LIPC: variants seen among roughly 807,000 people sequenced by gnomAD.
LIPC encodes hepatic triacylglycerol lipase.
In LIPC, 44 loss-of-function variants were observed where a neutral mutation model predicts 50.7. That is an observed-to-expected ratio of 0.87 (90% CI 0.68 to 1.11). The LOEUF is 1.11. LIPC is among the 50% of genes most tolerant of loss of function. The pLI, the probability that LIPC is intolerant of heterozygous loss-of-function variation, is 0.00. For missense variants in LIPC, 697 were observed against 648.2 expected, an observed-to-expected ratio of 1.08 and a Z score of -0.82; for synonymous variants, 271 against 256.4, an observed-to-expected ratio of 1.06 and a Z score of -0.54.
intron 1 of LIPC, among the ~76,000 whole-genome samples, chr15:58,520,292 C>G (rs1185275112): frequency 6.6e-6 from 1 of 151,954 alleles, no homozygotes; most frequent in African/African-American, 2.4e-5. Context: ...AGGAACCCAC[C>G]CTTTTAACTT....
At chr15:58,468,457 A>G (rs139819097) in intron 1 of LIPC, among the ~76,000 whole-genome samples, 1 of 152,116 alleles carries the variant, frequency 6.6e-6, no homozygotes, top group Non-Finnish European at 1.5e-5. Flanking sequence ...AGATCTCCAG[A>G]AGATTCTGAT....
intron 1 of LIPC, among the ~76,000 whole-genome samples, chr15:58,510,537 T>C (rs1410010709): frequency 6.6e-6 from 1 of 152,228 alleles, no homozygotes; most frequent in African/African-American, 2.4e-5. Context: ...GTAATCACAA[T>C]ATATGAAGCT....
intron 6 of LIPC, among the ~76,000 whole-genome samples, chr15:58,550,748 A>G (rs1356348408): frequency 1.3e-5 from 2 of 151,774 alleles, no homozygotes; most frequent in African/African-American, 4.8e-5. Context: ...ACTGGTCAGG[A>G]ACCGAAAGCC....
chr15:58,539,347 C>T (rs1893247080), intron 2 of LIPC, among the ~76,000 whole-genome samples: 1 of 152,094 alleles, frequency 6.6e-6, no homozygotes, highest in Non-Finnish European at 1.5e-5. Flanking sequence ...ATCCATTGAC[C>T]ATATCTAAGT....
intron 1 of LIPC, among the ~76,000 whole-genome samples, chr15:58,534,233 C>A (rs766418786): frequency 5.9e-5 from 9 of 152,156 alleles, no homozygotes; most frequent in Admixed American, 1.3e-4. Flanking sequence ...CAGTCGAGAG[C>A]TGGTGATGTG....
chr15:58,480,363 C>G (rs1048955320), intron 1 of LIPC, among the ~76,000 whole-genome samples: 26 of 152,182 alleles, frequency 1.7e-4, no homozygotes, highest in Non-Finnish European at 3.5e-4. Context: ...GGCGCAATCT[C>G]GGCTCACTGC....
intron 1 of LIPC, chr15:58,436,928 A>G (rs1893319013): frequency 2.2e-6 from 1 of 452,098 alleles, no homozygotes; most frequent in Admixed American, 2.4e-5. Flanking sequence ...AAGAAAAAGA[A>G]AAAATATCCC....
At chr15:58,452,640 AAAG>A (rs1453767928) in intron 1 of LIPC, among the ~76,000 whole-genome samples, 4 of 152,202 alleles carry the variant, frequency 2.6e-5, no homozygotes, top group Non-Finnish European at 5.9e-5. Flanking sequence ...AGCTAGACTC[AAAG>A]AAGATGGAAT....
At chr15:58,499,918 G>C (rs148802363) in intron 1 of LIPC, among the ~76,000 whole-genome samples, 4 of 152,174 alleles carry the variant, frequency 2.6e-5, no homozygotes, top group Non-Finnish European at 1.5e-5. Flanking sequence ...TCAGGATCAC[G>C]AATCAGGGAG....
intron 1 of LIPC, among the ~76,000 whole-genome samples, chr15:58,433,290 C>G (rs1383310912): frequency 1.3e-5 from 2 of 152,170 alleles, no homozygotes; most frequent in African/African-American, 4.8e-5. Context: ...TGTTTGTTTA[C>G]TTTTTAATGA....
intron 8 of LIPC, 88 bp downstream of exon 8, chr15:58,563,811 G>A (rs1243913162): frequency 1.4e-5 from 15 of 1,079,096 alleles, no homozygotes; most frequent in South Asian, 4.0e-5. Flanking sequence ...CATTCATCAT[G>A]TGAGGTGAGT....
intron 3 of LIPC, 113 bp from the exon 4 acceptor site, chr15:58,542,421 C>T (rs1382266657): frequency 5.1e-6 from 4 of 779,692 alleles, no homozygotes; most frequent in African/African-American, 3.4e-5. Context: ...GAATAAGGCA[C>T]CTCATTTCTG....
chr15:58,511,389 C>CCATTGCATTTACCATTG (rs369578970), intron 1 of LIPC, among the ~76,000 whole-genome samples: 1 of 152,050 alleles, frequency 6.6e-6, no homozygotes, highest in Non-Finnish European at 1.5e-5. Context: ...ATAAATCATT[C>CCATTGCATTTACCATTG]CATTGCATTT....
At chr15:58,462,896 T>G (rs766050360) in intron 1 of LIPC, among the ~76,000 whole-genome samples, 1 of 152,238 alleles carries the variant, frequency 6.6e-6, no homozygotes, top group African/African-American at 2.4e-5. Flanking sequence ...TGCAGAGTTA[T>G]TGGCGGAGTT....
intron 1 of LIPC, among the ~76,000 whole-genome samples, chr15:58,462,318 T>A (rs1334147499): frequency 6.6e-6 from 1 of 152,124 alleles, no homozygotes; most frequent in Non-Finnish European, 1.5e-5. Flanking sequence ...ATTGATTGGA[T>A]CAAATGAATG....
chr15:58,459,401 C>CT lies in LIPC; in HGVS notation c.88+27293dup, dbSNP rs3052238. Among the ~76,000 whole-genome samples, 396 of 145,820 alleles carry CT rather than the reference C, an allele frequency of 2.7e-3. 2 individuals are homozygous for CT. Among genetic ancestry groups the CT allele is most frequent in the African/African-American group, 5.5e-3 (219 of 39,746 alleles). The stretch of plus-strand genomic sequence containing the variant: ...TTTTGGAGAATCGACTTTTTTCTTT[C>CT]TTTTTTTTTTTTGATGTCCCTTAGA... On this transcript the variant is annotated intron_variant, in intron 1 of 8. Coordinates refer to ENST00000299022, the MANE Select transcript of LIPC (RefSeq NM_000236.3).
intron 1 of LIPC, among the ~76,000 whole-genome samples, chr15:58,445,823 C>T (rs1343719136): frequency 3.3e-5 from 5 of 152,160 alleles, no homozygotes; most frequent in African/African-American, 1.2e-4. Flanking sequence ...AATGAGACCA[C>T]GTAAGTGAAC....
intron 4 of LIPC, 116 bp downstream of exon 4, chr15:58,542,767 A>G: frequency 1.4e-6 from 1 of 728,706 alleles, no homozygotes; most frequent in Non-Finnish European, 2.5e-6. Flanking sequence ...GTGAGGGATC[A>G]GCGCTCATGA....
chr15:58,459,325 A>T (rs1894250247), intron 1 of LIPC, among the ~76,000 whole-genome samples: 1 of 151,784 alleles, frequency 6.6e-6, no homozygotes, highest in African/African-American at 2.4e-5. Flanking sequence ...AGGGGCAAAC[A>T]TTTGCTGGTG....
Sources: allele counts gnomAD v4.1 joint callset (sites outside exome capture counted in the v4.1 genomes callset), GRCh38; gene constraint gnomAD v4.1.1; transcripts MANE v1.5; gene names NCBI Gene and HGNC (gene_info 2026-07-23, HGNC 2026-07-21).